Variants in USP15 observed in about 807,000 individuals in gnomAD.
USP15 encodes ubiquitin specific peptidase 15.
USP15 carries 18 observed loss-of-function variants against 127.1 expected under a neutral mutation model. That is an observed-to-expected ratio of 0.14 (90% CI 0.10 to 0.21). The LOEUF (loss-of-function observed/expected upper bound fraction) is 0.21, where lower values mean the gene tolerates loss of function less well. Among genes scored for constraint, USP15 ranks in the 10% least tolerant of loss-of-function variants. The probability of loss-of-function intolerance (pLI) is 1.00; values close to 1 mark genes in which losing one functional copy is unlikely to be tolerated. For synonymous variants in USP15, 364 were observed against 393.7 expected, an observed-to-expected ratio of 0.92 and a Z score of 0.89; for missense variants, 805 against 1,159.9, an observed-to-expected ratio of 0.69 and a Z score of 4.44.
intron 9 of USP15, among the ~76,000 whole-genome samples, chr12:62,382,990 A>G (rs1428879777): frequency 6.6e-6 from 1 of 151,970 alleles, no homozygotes; most frequent in African/African-American, 2.4e-5. Flanking sequence ...ATTAATGACA[A>G]TGAAATCTAT....
chr12:62,404,418 G>A lies in USP15; in HGVS notation c.*43G>A, dbSNP rs2067802608. On this transcript the variant is annotated 3_prime_UTR_variant, in exon 22 of 22. Coordinates refer to ENST00000280377, the MANE Select transcript of USP15 (RefSeq NM_001252078.2). Reference sequence around the variant, plus strand: ...ATAAAAGAGACACTTTCCTGCTGGTGGTATCTATGGAAATGATGAAGTTAC... The same window carrying A: ...ATAAAAGAGACACTTTCCTGCTGGTAGTATCTATGGAAATGATGAAGTTAC... The A allele has an allele frequency of 2.0e-5, 30 of 1,494,546 alleles. No individual in the cohort carries two copies. Among genetic ancestry groups the A allele is most frequent in the Non-Finnish European group, 2.7e-5 (30 of 1,118,292 alleles). 92.6% of individuals were successfully genotyped at this position (1,494,546 alleles called of 1,614,324 possible).
At chr12:62,301,838 C>G (rs2137191381) in intron 2 of USP15, among the ~76,000 whole-genome samples, 1 of 152,252 alleles carries the variant, frequency 6.6e-6, no homozygotes. Context: ...CTTTCCGTAT[C>G]TGTTAATTAA....
intron 6 of USP15, among the ~76,000 whole-genome samples, chr12:62,343,827 G>A (rs1453164035): frequency 6.6e-6 from 1 of 152,138 alleles, no homozygotes; most frequent in Non-Finnish European, 1.5e-5. Context: ...GACCAGAGCT[G>A]TTTCTATTTG....
At chr12:62,308,731 G>T (rs1016718776) in intron 3 of USP15, among the ~76,000 whole-genome samples, 11 of 152,092 alleles carry the variant, frequency 7.2e-5, no homozygotes, top group Non-Finnish European at 1.0e-4. Context: ...AAGCAAAATT[G>T]ACCATATTCT....
chr12:62,383,487 A>G (rs970779802), intron 9 of USP15, among the ~76,000 whole-genome samples: 1 of 151,924 alleles, frequency 6.6e-6, no homozygotes, highest in African/African-American at 2.4e-5. Context: ...TACTTCATTT[A>G]GTGACCATTT....
chr12:62,356,256 T>C (rs1356819343), intron 8 of USP15, among the ~76,000 whole-genome samples: 2 of 151,896 alleles, frequency 1.3e-5, no homozygotes, highest in Non-Finnish European at 2.9e-5. Flanking sequence ...ATCTAAACTT[T>C]TCTGTTCTCT....
chr12:62,379,845 A>G (rs1011400838), intron 8 of USP15, among the ~76,000 whole-genome samples: 2 of 152,056 alleles, frequency 1.3e-5, no homozygotes, highest in Non-Finnish European at 2.9e-5. Flanking sequence ...AATTGCCTGG[A>G]TCTCCCTTTA....
chr12:62,284,912 C>T (rs566046445), intron 1 of USP15, among the ~76,000 whole-genome samples: 1 of 151,894 alleles, frequency 6.6e-6, no homozygotes, highest in South Asian at 2.1e-4. Flanking sequence ...TTCTAGGCAG[C>T]TGAAAATAAG....
At chr12:62,303,473 T>C (rs1045543818) in intron 3 of USP15, 7 of 152,208 alleles carry the variant, frequency 4.6e-5, no homozygotes, top group African/African-American at 1.4e-4. Flanking sequence ...TGTAGTAGAA[T>C]ACCAAATATT....
intron 4 of USP15, among the ~76,000 whole-genome samples, chr12:62,316,815 G>A (rs1421535884): frequency 6.6e-6 from 1 of 152,070 alleles, no homozygotes; most frequent in African/African-American, 2.4e-5. Flanking sequence ...TAAGAACTGT[G>A]TAAGAATTTG....
chr12:62,339,989 A>T (rs1035602690), intron 6 of USP15, among the ~76,000 whole-genome samples: 1 of 152,158 alleles, frequency 6.6e-6, no homozygotes, highest in African/African-American at 2.4e-5. Flanking sequence ...CCTCTGGTAC[A>T]ATTTGGCTGT....
At chr12:62,314,440 T>G (rs1204112743) in intron 3 of USP15, among the ~76,000 whole-genome samples, 1 of 151,920 alleles carries the variant, frequency 6.6e-6, no homozygotes, top group Non-Finnish European at 1.5e-5. Context: ...ACATATATAT[T>G]TGCACATAGT....
In USP15 at chr12:62,347,564, G is replaced by A. The variant is rs543644062; in HGVS notation, c.684-1657G>A. Among the ~76,000 whole-genome samples the A allele has an allele frequency of 8.8e-4, 133 of 151,908 alleles. 1 individual carries two copies. The highest frequency in any genetic ancestry group is 1.8e-3 in the Non-Finnish European group (120 of 67,898). On this transcript the variant is annotated intron_variant, in intron 6 of 21. Transcript: ENST00000280377. ...AACTCAGTCTCTAATCAATTTAGAC[G>A]TTTTTTCCTAATTTAGAATTCTTAA...
At chr12:62,345,979 A>C (rs1025140349) in intron 6 of USP15, among the ~76,000 whole-genome samples, 1 of 152,354 alleles carries the variant, frequency 6.6e-6, no homozygotes, top group East Asian at 1.9e-4. Flanking sequence ...GAAAGCTACA[A>C]GATGAGATTT....
At chr12:62,317,098 A>G (rs1470801601) in intron 4 of USP15, among the ~76,000 whole-genome samples, 9 of 152,196 alleles carry the variant, frequency 5.9e-5, no homozygotes, top group Non-Finnish European at 1.0e-4. Flanking sequence ...ACAAAATATC[A>G]ACATATATGT....
chr12:62,388,041 G>C (rs2067207144), intron 11 of USP15, among the ~76,000 whole-genome samples: 1 of 150,232 alleles, frequency 6.7e-6, no homozygotes, highest in South Asian at 2.1e-4. Context: ...AGTAGTTTCT[G>C]TTTTTGAGAT....
At chr12:62,356,375 A>C (rs1196837922) in intron 8 of USP15, among the ~76,000 whole-genome samples, 1 of 151,944 alleles carries the variant, frequency 6.6e-6, no homozygotes, top group African/African-American at 2.4e-5. Context: ...CTTTCTCACT[A>C]TCTGAGAAAA....
At chr12:62,372,880 T>C (rs2066718397) in intron 8 of USP15, among the ~76,000 whole-genome samples, 1 of 152,080 alleles carries the variant, frequency 6.6e-6, no homozygotes, top group African/African-American at 2.4e-5. Flanking sequence ...ACACCAACAT[T>C]TCTTAATGTT....
At chr12:62,380,334 C>T (rs1393033024) in intron 8 of USP15, among the ~76,000 whole-genome samples, 3 of 151,848 alleles carry the variant, frequency 2.0e-5, no homozygotes, top group Admixed American at 1.3e-4. Context: ...TTCTAAAAAA[C>T]TAAGTAAATG....
Sources: allele counts gnomAD v4.1 joint callset (sites outside exome capture counted in the v4.1 genomes callset), GRCh38; gene constraint gnomAD v4.1.1; transcripts MANE v1.5; gene names NCBI Gene and HGNC (gene_info 2026-07-23, HGNC 2026-07-21).